GABRR2: variants seen among roughly 807,000 people sequenced by gnomAD.
The protein encoded by GABRR2 is gamma-aminobutyric acid receptor subunit rho-2.
Under a neutral mutation model 47.0 loss-of-function variants are expected in GABRR2, and 36 were observed. The ratio of observed to expected loss-of-function variants is 0.77; its 90% CI spans 0.59 to 1.01. The LOEUF (loss-of-function observed/expected upper bound fraction) is 1.01. Ranked by LOEUF, GABRR2 falls within the 50% of genes least tolerant of loss-of-function variation. GABRR2 has a pLI of 0.00. For missense variants in GABRR2, 587 were observed against 594.6 expected, an observed-to-expected ratio of 0.99 and a Z score of 0.13; for synonymous variants, 204 against 227.5, an observed-to-expected ratio of 0.90 and a Z score of 0.93.
At chr6:89,288,443 CCT>C (rs1774371133) in intron 2 of GABRR2, among the ~76,000 whole-genome samples, 1 of 152,072 alleles carries the variant, frequency 6.6e-6, no homozygotes, top group Non-Finnish European at 1.5e-5. Context: ...CATGAAAACA[CCT>C]TCGAGTGTTT....
chr6:89,266,099 G>A (rs1020221182), intron 6 of GABRR2, among the ~76,000 whole-genome samples: 1 of 152,168 alleles, frequency 6.6e-6, no homozygotes, highest in African/African-American at 2.4e-5. Flanking sequence ...GTCTTGCTCT[G>A]TAGCCCAGGC....
At position 89,262,863 on chromosome 6, in the gene GABRR2, C is replaced by T. The variant is rs532027935; in HGVS notation, c.1086+1549G>A. Reference sequence around the variant, plus strand: ...GATTGGCAATGATCAGGTAGCAAGTCAGCATTATTTATTTAGTATTAGGTT... The same window carrying T: ...GATTGGCAATGATCAGGTAGCAAGTTAGCATTATTTATTTAGTATTAGGTT... On this transcript the variant is annotated intron_variant, in intron 8 of 8. Coordinates refer to ENST00000402938, the MANE Select transcript of GABRR2 (RefSeq NM_002043.5). Among the ~76,000 whole-genome samples the T allele has an allele frequency of 7.9e-5, 12 of 152,280 alleles. No homozygotes were observed. The South Asian group carries it at 2.3e-3, about 29-fold the overall frequency.
intron 1 of GABRR2, among the ~76,000 whole-genome samples, chr6:89,300,474 G>A (rs1013259538): frequency 1.3e-5 from 2 of 151,742 alleles, no homozygotes; most frequent in Non-Finnish European, 2.9e-5. Context: ...TGCGCCACCC[G>A]GGTGATAGAG....
Position 89,256,951 on chromosome 6 carries a change from C to T in GABRR2, c.*719G>A, listed in dbSNP as rs1582426704. 6.6e-6 allele frequency among the ~76,000 whole-genome samples: 1 copy of T among 151,928 alleles called. No homozygotes were observed. On this transcript the variant is annotated 3_prime_UTR_variant, in exon 9 of 9. Transcript: ENST00000402938. Reference sequence around the variant, plus strand: ...AAACAGAATGGGTCTGTGGGGTAAGCGGGGTTGAAGGAGGGGAAAGAGCAG... The same window carrying T: ...AAACAGAATGGGTCTGTGGGGTAAGTGGGGTTGAAGGAGGGGAAAGAGCAG...
chr6:89,257,773 A>T lies in GABRR2; in HGVS notation c.1295T>A (p.Phe432Tyr), dbSNP rs1178109666. Reference protein sequence around the residue: ...KKGLLKGQTGFRIFQNTHAID... With the variant: ...KKGLLKGQTGYRIFQNTHAID... ...GGCATGGGTATTCTGGAAGATACGA[A>T]AACCCGTCTGGCCCTTCAGAAGCCC... is the stretch of plus-strand genomic sequence containing the variant. Residue 432 changes from phenylalanine to tyrosine, a missense_variant, in exon 9 of 9, where the codon TTT (phenylalanine) becomes TAT (tyrosine). Physicochemically the swap from Phe to Tyr is conservative, Grantham distance 22 (BLOSUM62 3). Transcript: ENST00000402938. 1 of 1,614,046 alleles carries T rather than the reference A, an allele frequency of 6.2e-7. No homozygotes were observed. The highest frequency in any genetic ancestry group is 8.5e-7 in the Non-Finnish European group (1 of 1,179,892).
chr6:89,289,342 G>A (rs1774395746), intron 2 of GABRR2, among the ~76,000 whole-genome samples: 1 of 152,194 alleles, frequency 6.6e-6, no homozygotes, highest in Non-Finnish European at 1.5e-5. Flanking sequence ...AGGGAGCAGT[G>A]CTGAGGAAGG....
intron 2 of GABRR2, among the ~76,000 whole-genome samples, chr6:89,292,346 T>TTA (rs57703020): frequency 0.021 from 292 of 13,844 alleles, 14 homozygotes; most frequent in Admixed American, 0.03. Context: ...AAAAAAAATT[T>TTA]TATATATATA....
intron 2 of GABRR2, among the ~76,000 whole-genome samples, chr6:89,291,511 C>T (rs1774439851): frequency 6.6e-6 from 1 of 151,896 alleles, no homozygotes; most frequent in South Asian, 2.1e-4. Context: ...GCCACGTGGA[C>T]CTGCTCCTGC....
At chr6:89,311,474 T>G (rs1767680973) in intron 1 of GABRR2, among the ~76,000 whole-genome samples, 1 of 152,106 alleles carries the variant, frequency 6.6e-6, no homozygotes, top group Admixed American at 6.5e-5. Flanking sequence ...CATTCATCCT[T>G]TCACAGGAGA....
intron 6 of GABRR2, among the ~76,000 whole-genome samples, chr6:89,267,145 G>A (rs1015150908): frequency 1.3e-5 from 2 of 152,132 alleles, no homozygotes; most frequent in East Asian, 1.9e-4. Context: ...GATTACAGGT[G>A]CATACCACCA....
intron 2 of GABRR2, among the ~76,000 whole-genome samples, chr6:89,276,147 T>C (rs1774156214): frequency 6.8e-6 from 1 of 147,712 alleles, no homozygotes; most frequent in South Asian, 2.1e-4. Flanking sequence ...TTATAAATTA[T>C]TATTTATATT....
intron 2 of GABRR2, among the ~76,000 whole-genome samples, chr6:89,291,352 G>C (rs1204766706): frequency 1.3e-5 from 2 of 152,108 alleles, no homozygotes; most frequent in East Asian, 3.9e-4. Flanking sequence ...GACGCATCCT[G>C]TTGCTCCTTA....
Position 89,257,900 on chromosome 6 carries a change from C to T in GABRR2, c.1168G>A (p.Ala390Thr), listed in dbSNP as rs774389756. 2 of 1,613,930 alleles carry T rather than the reference C, an allele frequency of 1.2e-6. No homozygotes were observed. The highest frequency in any genetic ancestry group is 2.2e-5 in the East Asian group (1 of 44,884). Residue 390 changes from alanine (A) to threonine (T), a missense_variant, in exon 9 of 9, where the codon GCT becomes ACT. Coordinates refer to ENST00000402938, the MANE Select transcript of GABRR2 (RefSeq NM_002043.5). ...SYSESEANSL[A>T]GYPRSHILTE... ...AGGATATGGCTTCTGGGGTACCCAG[C>T]CAGGCTGTTGGCCTCAGACTCACTG...
At chr6:89,284,284 A>G (rs868521936) in intron 2 of GABRR2, among the ~76,000 whole-genome samples, 2 of 152,138 alleles carry the variant, frequency 1.3e-5, no homozygotes, top group Non-Finnish European at 2.9e-5. Context: ...AATTCAAGCT[A>G]TACACTTAAG....
At chr6:89,314,573 A>G (rs113376165) in intron 1 of GABRR2, among the ~76,000 whole-genome samples, 14 of 152,324 alleles carry the variant, frequency 9.2e-5, no homozygotes, top group South Asian at 6.2e-4. Context: ...ATGAAACCCA[A>G]TATCATTATA....
At chr6:89,305,128 C>T (rs1767535787) in intron 1 of GABRR2, among the ~76,000 whole-genome samples, 3 of 152,088 alleles carry the variant, frequency 2.0e-5, no homozygotes, top group Admixed American at 1.3e-4. Context: ...GAGGCCAAGG[C>T]AGGTGGATCA....
chr6:89,277,500 A>T (rs1481199886), intron 2 of GABRR2, among the ~76,000 whole-genome samples: 1 of 152,198 alleles, frequency 6.6e-6, no homozygotes, highest in African/African-American at 2.4e-5. Context: ...ATAACCCAAT[A>T]CAAAAACAAG....
chr6:89,299,905 C>A, intron 1 of GABRR2, 40 bp from the exon 2 acceptor site: 1 of 1,295,126 alleles, frequency 7.7e-7, no homozygotes, highest in South Asian at 1.2e-5. Flanking sequence ...ATCGGCTCTT[C>A]AATGCATTGA....
At chr6:89,282,741 AGTG>A (rs1774271477) in intron 2 of GABRR2, among the ~76,000 whole-genome samples, 1 of 152,242 alleles carries the variant, frequency 6.6e-6, no homozygotes. Context: ...GGCAGCCCGA[AGTG>A]GGGCTTCCCA....
Sources: allele counts gnomAD v4.1 joint callset (sites outside exome capture counted in the v4.1 genomes callset), GRCh38; gene constraint gnomAD v4.1.1; transcripts MANE v1.5; gene names NCBI Gene and HGNC (gene_info 2026-07-23, HGNC 2026-07-21).